Variants in PCDH11X observed in about 807,000 individuals in gnomAD.
PCDH11X encodes the protein protocadherin 11 X-linked.
In PCDH11X, 18 loss-of-function variants were observed where a neutral mutation model predicts 53.3. The observed-to-expected ratio is 0.34, with a 90% CI of 0.23 to 0.50. PCDH11X has a LOEUF of 0.50. Ranked by LOEUF, PCDH11X falls within the 20% of genes least tolerant of loss-of-function variation. The pLI, the probability that PCDH11X is intolerant of heterozygous loss-of-function variation, is 0.98. For synonymous variants in PCDH11X, 279 were observed against 393.3 expected (o/e 0.71, Z 3.44); for missense variants, 570 against 1,032.4 (o/e 0.55, Z 6.14).
At chrX:92,280,538 A>T (rs1336843620) in intron 8 of PCDH11X, among the ~76,000 whole-genome samples, 2 of 107,560 alleles carry the variant, frequency 1.9e-5, no homozygotes, top group Non-Finnish European at 3.8e-5. Context: ...ATAAATAAAT[A>T]AATAAATAAA....
chrX:92,181,028 T>C (rs531754568), intron 6 of PCDH11X, among the ~76,000 whole-genome samples: 1 of 109,432 alleles, frequency 9.1e-6, no homozygotes, highest in East Asian at 2.9e-4. Context: ...GTTGGAAGAG[T>C]TTGGAGGGCT....
intron 6 of PCDH11X, among the ~76,000 whole-genome samples, chrX:92,148,676 T>A (rs1000376104): frequency 2.0e-4 from 22 of 108,580 alleles, no homozygotes; most frequent in Non-Finnish European, 1.1e-4. Flanking sequence ...GCCACTTAAC[T>A]TTTTTTTTCT....
At chrX:92,024,718 C>CAAAAAAAAAAAAAA (rs199917287) in intron 6 of PCDH11X, among the ~76,000 whole-genome samples, 3 of 54,673 alleles carry the variant, frequency 5.5e-5, no homozygotes, top group Admixed American at 1.9e-4. Flanking sequence ...CAATCCTAAG[C>CAAAAAAAAAAAAAA]AAAAAAAAAA....
intron 9 of PCDH11X, among the ~76,000 whole-genome samples, chrX:92,422,110 A>C (rs2071981583): frequency 9.4e-6 from 1 of 106,803 alleles, no homozygotes; most frequent in African/African-American, 3.4e-5. Flanking sequence ...TCAGTGAAAT[A>C]AATGAACCCG....
intron 7 of PCDH11X, among the ~76,000 whole-genome samples, chrX:92,227,308 G>A (rs1347374295): frequency 9.1e-6 from 1 of 109,316 alleles, no homozygotes; most frequent in Non-Finnish European, 1.9e-5. Flanking sequence ...TTTTTTCCTG[G>A]CATTGCTTAG....
chrX:92,298,381 C>T (rs368014340), intron 8 of PCDH11X, among the ~76,000 whole-genome samples: 1 of 111,368 alleles, frequency 9.0e-6, no homozygotes, highest in East Asian at 2.8e-4. Flanking sequence ...TCAAAATCCC[C>T]TTCTGTATCT....
chrX:92,621,438 A>G lies in PCDH11X; in HGVS notation c.*2498A>G, dbSNP rs1489146871. ...CCTTTCTAACTCTGATTTTATAATC[A>G]GACTTAGATTGTGTTTAGAATATTA... On this transcript the variant is annotated 3_prime_UTR_variant, in exon 11 of 11. Coordinates refer to ENST00000682573, the MANE Select transcript of PCDH11X (RefSeq NM_032968.5). The G allele has an allele frequency of 9.1e-6, 1 of 109,417 alleles. No individual in the cohort carries two copies. The highest frequency in any genetic ancestry group is 9.9e-5 in the Admixed American group (1 of 10,113). 9.0% of individuals were successfully genotyped at this position (109,417 alleles called of 1,213,427 possible). A position where few individuals can be genotyped will look rare whatever the true frequency, so the allele number is the denominator to read the frequency against.
intron 6 of PCDH11X, among the ~76,000 whole-genome samples, chrX:92,144,657 G>T (rs1285448205): frequency 9.0e-6 from 1 of 110,694 alleles, no homozygotes; most frequent in Non-Finnish European, 1.9e-5. Context: ...TTTCAGGTTT[G>T]CCTCCTCCTA....
intron 6 of PCDH11X, among the ~76,000 whole-genome samples, chrX:92,050,504 C>A (rs374809192): frequency 9.4e-6 from 1 of 106,762 alleles, no homozygotes; most frequent in Non-Finnish European, 1.9e-5. Flanking sequence ...GGAGCTAGAC[C>A]GTCTGGGTTC....
chrX:92,306,681 C>T (rs1304243314), intron 8 of PCDH11X, among the ~76,000 whole-genome samples: 2 of 109,399 alleles, frequency 1.8e-5, no homozygotes, highest in Non-Finnish European at 3.8e-5. Context: ...GTGGTTCACA[C>T]CTGTAATCCC....
In PCDH11X at chrX:92,316,295, G is replaced by T. The variant is rs966769601; in HGVS notation, c.3144+53152G>T. Among the ~76,000 whole-genome samples, 10 of 110,943 alleles carry T rather than the reference G, an allele frequency of 9.0e-5. 1 individual carries two copies. In the Admixed American group the frequency reaches 9.7e-4, roughly 11 times the overall value. On this transcript the variant is annotated intron_variant, in intron 8 of 10. Coordinates refer to ENST00000682573, the MANE Select transcript of PCDH11X (RefSeq NM_032968.5). ...ATAATATTGTAGAAATAACTGTCTG[G>T]GAAAACCGTGAAAGCATAAAATCGC...
chrX:92,605,439 T>C (rs1926684240), intron 10 of PCDH11X, among the ~76,000 whole-genome samples: 1 of 111,113 alleles, frequency 9.0e-6, no homozygotes, highest in African/African-American at 3.3e-5. Context: ...TATTAAACAT[T>C]AAACATTGTA....
At chrX:91,886,997 GA>G (rs1940254632) in intron 6 of PCDH11X, among the ~76,000 whole-genome samples, 1 of 97,237 alleles carries the variant, frequency 1.0e-5, no homozygotes, top group Non-Finnish European at 2.0e-5. Context: ...GAAAAGAAAA[GA>G]AAAGAAAATA....
chrX:92,407,423 C>T (rs2071545375), intron 9 of PCDH11X, among the ~76,000 whole-genome samples: 2 of 107,923 alleles, frequency 1.9e-5, no homozygotes, highest in Admixed American at 1.0e-4. Context: ...AGAGTTGTTG[C>T]TCAACATCCC....
chrX:92,349,496 T>A (rs1309912848), intron 8 of PCDH11X, among the ~76,000 whole-genome samples: 1 of 103,120 alleles, frequency 9.7e-6, no homozygotes, highest in Non-Finnish European at 2.0e-5. Flanking sequence ...ACCACTCTTC[T>A]GCTCATGACC....
rs1390943226 is a variant in PCDH11X at position 92,620,417 on chromosome X, GA to G, written c.*1481del. ...TAATTTTCTTCCATAGCAAAACTGA[GA>G]AAATACCTTGTTTCAGTATAACACT... is the stretch of plus-strand genomic sequence containing the variant. On this transcript the variant is annotated 3_prime_UTR_variant, in exon 11 of 11. Coordinates refer to ENST00000682573, the MANE Select transcript of PCDH11X (RefSeq NM_032968.5). 1 of 85,690 alleles carries G rather than the reference GA, an allele frequency of 1.2e-5. No homozygotes were observed. Among genetic ancestry groups the G allele is most frequent in the African/African-American group, 4.6e-5 (1 of 21,800 alleles). The allele number at this position is 85,690 out of a possible 1,213,427, so 7.1% of individuals were successfully genotyped here.
intron 6 of PCDH11X, among the ~76,000 whole-genome samples, chrX:92,135,642 T>G (rs1192845988): frequency 9.0e-6 from 1 of 110,822 alleles, no homozygotes; most frequent in East Asian, 2.8e-4. Context: ...CCAAGGAAAT[T>G]ATTATATGTC....
intron 10 of PCDH11X, among the ~76,000 whole-genome samples, chrX:92,606,625 T>G (rs1021209141): frequency 2.5e-4 from 27 of 110,019 alleles, no homozygotes; most frequent in Admixed American, 6.8e-4. Context: ...CAAAGTTTTC[T>G]TAGATCTGAC....
In PCDH11X at chrX:92,443,100, T is replaced by C. The variant is rs781749345; in HGVS notation, c.3344-25199T>C. Among the ~76,000 whole-genome samples, 3 of 107,500 alleles carry C rather than the reference T, an allele frequency of 2.8e-5. No homozygotes were observed. The South Asian group carries it at 1.3e-3, about 46-fold the overall frequency. The allele number at this position is 107,500 out of a possible 115,157, so 93.4% of individuals were successfully genotyped here. On this transcript the variant is annotated intron_variant, in intron 9 of 10. Transcript: ENST00000682573. ...CTGTTGTTTTTTGTCTTTTTCATAA[T>C]AGTTGCTCTGACTGTTGTGAGATAG...
Sources: gnomAD v4.1 joint callset for allele counts (sites outside exome capture counted in the v4.1 genomes callset) on GRCh38, gnomAD v4.1.1 for gene constraint, MANE v1.5 for transcripts, NCBI Gene and HGNC (gene_info 2026-07-23, HGNC 2026-07-21) for gene names.